The following ZMYND8 variants were observed in gnomAD, a reference collection of about 807,000 sequenced individuals.
ZMYND8 encodes zinc finger MYND-type containing 8, also known as MYND-type zinc finger-containing chromatin reader ZMYND8.
ZMYND8 carries 37 observed loss-of-function variants against 140.8 expected under a neutral mutation model. The observed-to-expected ratio is 0.26, with a 90% CI of 0.20 to 0.35. The LOEUF (loss-of-function observed/expected upper bound fraction) is 0.35, where lower values mean the gene tolerates loss of function less well. Ranked by LOEUF, ZMYND8 falls within the 10% of genes least tolerant of loss-of-function variation. The pLI, the probability that ZMYND8 is intolerant of heterozygous loss-of-function variation, is 1.00. For missense variants in ZMYND8, 1,068 were observed against 1,570.0 expected (o/e 0.68, Z 5.40); for synonymous variants, 592 against 597.1 (o/e 0.99, Z 0.12).
intron 12 of ZMYND8, among the ~76,000 whole-genome samples, chr20:47,254,395 G>A (rs1255206257): frequency 1.3e-5 from 2 of 152,178 alleles, no homozygotes; most frequent in African/African-American, 2.4e-5. Context: ...ACCCTCCCAC[G>A]TGGGCAAAAG....
intron 16 of ZMYND8, among the ~76,000 whole-genome samples, chr20:47,230,249 C>G (rs1403517027): frequency 6.6e-6 from 1 of 151,812 alleles, no homozygotes; most frequent in East Asian, 1.9e-4. Context: ...TTGGCTGAAA[C>G]CGGAGAGGCC....
intron 16 of ZMYND8, 117 bp downstream of exon 16, chr20:47,236,209 G>A (rs1568944120): frequency 1.6e-6 from 2 of 1,226,290 alleles, no homozygotes; most frequent in African/African-American, 1.5e-5. Context: ...AAAAAAAAGG[G>A]TCTTCACTCC....
At chr20:47,307,657 A>G (rs111872451) in intron 3 of ZMYND8, among the ~76,000 whole-genome samples, 4 of 152,146 alleles carry the variant, frequency 2.6e-5, no homozygotes, top group African/African-American at 7.2e-5. Context: ...GTGAAACCCC[A>G]TCTGTACTAA....
intron 1 of ZMYND8, among the ~76,000 whole-genome samples, chr20:47,356,115 G>A (rs1256433578): frequency 6.6e-6 from 1 of 152,054 alleles, no homozygotes. Flanking sequence ...CTCCTCTCTT[G>A]TCAAAACTTA....
intron 11 of ZMYND8, among the ~76,000 whole-genome samples, chr20:47,268,074 AAT>A (rs1398911275): frequency 1.3e-5 from 2 of 152,156 alleles, no homozygotes; most frequent in African/African-American, 4.8e-5. Context: ...TCAGGTGCAT[AAT>A]ACATTCACTG....
chr20:47,222,301 T>C (rs2037088339), intron 19 of ZMYND8, among the ~76,000 whole-genome samples: 2 of 152,158 alleles, frequency 1.3e-5, no homozygotes, highest in South Asian at 2.1e-4. Context: ...TTTGGGAGGC[T>C]GAGGCGGGCA....
intron 2 of ZMYND8, among the ~76,000 whole-genome samples, chr20:47,329,597 T>A (rs1012508486): frequency 6.6e-6 from 1 of 150,912 alleles, no homozygotes; most frequent in Non-Finnish European, 1.5e-5. Flanking sequence ...AGAGGCGGGG[T>A]TTCTCCATGT....
At chr20:47,311,596 G>T (rs1250575820) in intron 2 of ZMYND8, among the ~76,000 whole-genome samples, 1 of 152,062 alleles carries the variant, frequency 6.6e-6, no homozygotes, top group African/African-American at 2.4e-5. Context: ...TGTTTCTAGA[G>T]GAGATTGTTG....
At chr20:47,274,838 G>GA (rs935363939) in intron 11 of ZMYND8, among the ~76,000 whole-genome samples, 27 of 151,978 alleles carry the variant, frequency 1.8e-4, no homozygotes, top group African/African-American at 6.5e-4. Context: ...AAAGAAAAAA[G>GA]AAAAAAAATT....
At chr20:47,344,554 A>G (rs1453601979) in intron 2 of ZMYND8, among the ~76,000 whole-genome samples, 2 of 152,212 alleles carry the variant, frequency 1.3e-5, no homozygotes, top group Non-Finnish European at 2.9e-5. Flanking sequence ...TGTAATGAGG[A>G]ATCCTGAGTG....
chr20:47,287,045 G>T (rs1309330787), intron 8 of ZMYND8, among the ~76,000 whole-genome samples, 184 bp downstream of exon 8: 1 of 152,186 alleles, frequency 6.6e-6, no homozygotes, highest in Non-Finnish European at 1.5e-5. Context: ...TACAGTAAGG[G>T]TGTTTTATAA....
intron 8 of ZMYND8, among the ~76,000 whole-genome samples, chr20:47,286,982 G>A (rs1234640928): frequency 6.6e-6 from 1 of 152,150 alleles, no homozygotes; most frequent in African/African-American, 2.4e-5. Flanking sequence ...GTGCTTACTG[G>A]TGACTCAAGG....
At chr20:47,211,199 C>G (rs1350009437) in intron 22 of ZMYND8, among the ~76,000 whole-genome samples, 1 of 152,304 alleles carries the variant, frequency 6.6e-6, no homozygotes, top group East Asian at 1.9e-4. Context: ...TGTGCCGTGT[C>G]TGGAACCGTG....
Position 47,255,632 on chromosome 20 carries a change from G to GTA in ZMYND8, c.1622-6195_1622-6194dup, listed in dbSNP as rs1445423835. The stretch of plus-strand genomic sequence containing the variant: ...TATACACACCATATACATATACTCA[G>GTA]TATATATATACCATATACATATACT... On this transcript the variant is annotated intron_variant, in intron 12 of 22. Coordinates refer to ENST00000471951, the MANE Select transcript of ZMYND8 (RefSeq NM_001281775.3). Among the ~76,000 whole-genome samples, 4 of 126,398 alleles carry GTA rather than the reference G, an allele frequency of 3.2e-5. No individual in the cohort carries two copies. The East Asian group carries it at 6.8e-4, about 21-fold the overall frequency. The allele number at this position is 126,398 out of a possible 152,430, so 82.9% of individuals were successfully genotyped here. A position where few individuals can be genotyped will look rare whatever the true frequency, so the allele number is the denominator to read the frequency against.
At chr20:47,255,722 GTATATATATATATATATA>G (rs369654557) in intron 12 of ZMYND8, among the ~76,000 whole-genome samples, 11,729 of 77,796 alleles carry the variant, frequency 0.15, 1,154 homozygotes, top group South Asian at 0.34. Flanking sequence ...GTGTATGTGT[GTATATATATATATATATA>G]TATATATATA....
intron 11 of ZMYND8, among the ~76,000 whole-genome samples, chr20:47,264,151 C>A (rs538318694): frequency 6.6e-6 from 1 of 152,230 alleles, no homozygotes; most frequent in Non-Finnish European, 1.5e-5. Flanking sequence ...AGTAGGCATG[C>A]AGCTGGGAAT....
At chr20:47,270,360 T>G (rs1461220949) in intron 11 of ZMYND8, among the ~76,000 whole-genome samples, 7 of 104,778 alleles carry the variant, frequency 6.7e-5, no homozygotes, top group African/African-American at 1.6e-4. Context: ...AAGACAAGAG[T>G]GAAACTCCAT....
intron 17 of ZMYND8, 103 bp from the exon 18 acceptor site, chr20:47,227,384 G>T (rs558347500): frequency 9.3e-7 from 1 of 1,074,290 alleles, no homozygotes; most frequent in Non-Finnish European, 1.4e-6. Context: ...TGGGAATCAT[G>T]CTAACCTTCC....
intron 8 of ZMYND8, among the ~76,000 whole-genome samples, chr20:47,286,692 A>G (rs2076943444): frequency 1.3e-5 from 2 of 152,170 alleles, no homozygotes; most frequent in African/African-American, 4.8e-5. Flanking sequence ...CCCTCATACC[A>G]TTTTGGCTGC....
Sources: gnomAD v4.1 joint callset for allele counts (sites outside exome capture counted in the v4.1 genomes callset) on GRCh38, gnomAD v4.1.1 for gene constraint, MANE v1.5 for transcripts, NCBI Gene and HGNC (gene_info 2026-07-23, HGNC 2026-07-21) for gene names.